Variants in ADCY1 observed in about 807,000 individuals in gnomAD.
The protein encoded by ADCY1 is adenylate cyclase type 1.
Under a neutral mutation model 105.4 loss-of-function variants are expected in ADCY1, and 28 were observed. That is an observed-to-expected ratio of 0.27 (90% CI 0.20 to 0.36). The LOEUF (loss-of-function observed/expected upper bound fraction) is 0.36, where lower values mean the gene tolerates loss of function less well. ADCY1 is among the 10% of genes least tolerant of loss of function. ADCY1 has a pLI of 1.00. For missense variants in ADCY1, 977 were observed against 1,434.2 expected (o/e 0.68, Z 5.15); for synonymous variants, 655 against 623.8 (o/e 1.05, Z -0.75).
At chr7:45,601,774 G>A (rs553045704) in intron 2 of ADCY1, among the ~76,000 whole-genome samples, 31 of 152,250 alleles carry the variant, frequency 2.0e-4, no homozygotes, top group African/African-American at 7.2e-4. Context: ...CGGGATGAGA[G>A]GTAGGGGTGA....
At chr7:45,592,627 G>A (rs903120093) in intron 1 of ADCY1, 132 bp from the exon 2 acceptor site, 2 of 1,243,496 alleles carry the variant, frequency 1.6e-6, no homozygotes, top group East Asian at 4.7e-5. Context: ...TGTGTCCCTG[G>A]CCCTGCGCTG....
rs1189707139 is a variant in ADCY1 at position 45,711,644 on chromosome 7, T to TATATACAC, written c.3057+993_3057+994insTATACACA. 9.1e-3 allele frequency among the ~76,000 whole-genome samples: 465 copies of TATATACAC among 51,130 alleles called. 4 individuals carry two copies. The highest frequency in any genetic ancestry group is 0.012 in the Non-Finnish European group (295 of 24,490). The allele number at this position is 51,130 out of a possible 152,430, so 33.5% of individuals were successfully genotyped here. A position where few individuals can be genotyped will look rare whatever the true frequency, so the allele number is the denominator to read the frequency against. ...ATATATATATATATATATATATATA[T>TATATACAC]ACACACACACACGTATGTATACACA... On this transcript the variant is annotated intron_variant, in intron 19 of 19. Coordinates refer to ENST00000297323, the MANE Select transcript of ADCY1 (RefSeq NM_021116.4).
At chr7:45,694,115 T>TAAAAAA (rs140981457) in intron 14 of ADCY1, among the ~76,000 whole-genome samples, 28 of 115,298 alleles carry the variant, frequency 2.4e-4, no homozygotes, top group Non-Finnish European at 3.0e-4. Flanking sequence ...TAGAGTATAA[T>TAAAAAA]AAAAAAAAAA....
At chr7:45,606,259 G>A (rs1784355447) in intron 2 of ADCY1, among the ~76,000 whole-genome samples, 1 of 152,068 alleles carries the variant, frequency 6.6e-6, no homozygotes, top group Non-Finnish European at 1.5e-5. Flanking sequence ...GGTTGATTGG[G>A]GGCCCCTTCA....
At chr7:45,595,345 GCTGCT>G (rs1187432814) in intron 2 of ADCY1, among the ~76,000 whole-genome samples, 30 of 152,174 alleles carry the variant, frequency 2.0e-4, no homozygotes, top group Admixed American at 1.6e-3. Flanking sequence ...GTTCTGATGA[GCTGCT>G]CTGCAGTCCC....
At chr7:45,621,578 G>A (rs1422086608) in intron 3 of ADCY1, among the ~76,000 whole-genome samples, 2 of 152,194 alleles carry the variant, frequency 1.3e-5, no homozygotes, top group Admixed American at 6.5e-5. Flanking sequence ...GCGGACATGC[G>A]GAACGGTTGG....
Position 45,669,031 on chromosome 7 carries a change from A to G in ADCY1, c.1605+6817A>G, listed in dbSNP as rs1383423417. ...TTGATTCTTCTCTCTTTTCTTCTTTATTAGTCTTGCTAGCGGTCTATCAAT... is the reference window on the plus strand; with the variant it reads ...TTGATTCTTCTCTCTTTTCTTCTTTGTTAGTCTTGCTAGCGGTCTATCAAT... On this transcript the variant is annotated intron_variant, in intron 8 of 19. Transcript: ENST00000297323. 5.9e-5 allele frequency among the ~76,000 whole-genome samples: 9 copies of G among 151,444 alleles called. No individual in the cohort carries two copies. The South Asian group carries it at 1.0e-3, about 18-fold the overall frequency.
At chr7:45,666,276 C>T (rs976407897) in intron 8 of ADCY1, among the ~76,000 whole-genome samples, 1 of 152,116 alleles carries the variant, frequency 6.6e-6, no homozygotes, top group Non-Finnish European at 1.5e-5. Context: ...CTAATGCTAT[C>T]CCTCCCCACT....
Position 45,678,285 on chromosome 7 carries a change from G to A in ADCY1, c.1898+22G>A, listed in dbSNP as rs746970754. On this transcript the variant is annotated intron_variant, in intron 10 of 19. Coordinates refer to ENST00000297323, the MANE Select transcript of ADCY1 (RefSeq NM_021116.4). ...CACAGTGAGTATTTCTATCAACGAG[G>A]TGAGGAACTCACCAAGAAGTCCCGG... 3.1e-6 allele frequency: 5 copies of A among 1,605,308 alleles called. No homozygotes were observed. In the South Asian group the frequency reaches 3.3e-5, roughly 11 times the overall value.
chr7:45,620,436 G>A (rs1793861117), intron 3 of ADCY1, among the ~76,000 whole-genome samples: 1 of 152,144 alleles, frequency 6.6e-6, no homozygotes, highest in African/African-American at 2.4e-5. Flanking sequence ...AGGGACTTAA[G>A]GGACACCATC....
intron 14 of ADCY1, among the ~76,000 whole-genome samples, chr7:45,698,837 CATG>C (rs1309183230): frequency 2.6e-5 from 4 of 152,234 alleles, no homozygotes; most frequent in African/African-American, 9.6e-5. Flanking sequence ...CATTTTCATG[CATG>C]ACCATGGTCC....
Position 45,592,749 on chromosome 7 carries a change from C to G in ADCY1, c.640-10C>G, listed in dbSNP as rs910085925. The G allele has an allele frequency of 1.9e-6, 3 of 1,614,074 alleles. No individual in the cohort carries two copies. Among genetic ancestry groups the G allele is most frequent in the Admixed American group, 1.7e-5 (1 of 60,028 alleles). ...CAGGCTCCACATGTTGCCTCCTTCT[C>G]TCCCTGCAGCTCGGTGCCAATGCCT... On this transcript the variant is annotated splice_polypyrimidine_tract_variant and intron_variant, in intron 1 of 19. Coordinates refer to ENST00000297323, the MANE Select transcript of ADCY1 (RefSeq NM_021116.4).
chr7:45,590,970 C>T (rs1231418654), intron 1 of ADCY1, among the ~76,000 whole-genome samples: 1 of 152,090 alleles, frequency 6.6e-6, no homozygotes, highest in Non-Finnish European at 1.5e-5. Flanking sequence ...TCAGGTCCCC[C>T]ATGGAGGTGT....
At position 45,695,664 on chromosome 7, in the gene ADCY1, A is replaced by G. The variant is rs79337512; in HGVS notation, c.2455-7712A>G. 3.3e-4 allele frequency among the ~76,000 whole-genome samples: 51 copies of G among 152,374 alleles called. No homozygotes were observed. The East Asian group carries it at 9.3e-3, about 28-fold the overall frequency. ...GATCTGGGTTAGAAGGACGCAGCATAACTTCAACATAGAGCAAAAGCTCCA... is the reference window on the plus strand; with the variant it reads ...GATCTGGGTTAGAAGGACGCAGCATGACTTCAACATAGAGCAAAAGCTCCA... On this transcript the variant is annotated intron_variant, in intron 14 of 19. Transcript: ENST00000297323.
In ADCY1 at chr7:45,574,939, C is replaced by G; in HGVS notation, c.396C>G (p.Thr132=). 4.3e-6 allele frequency: 7 copies of G among 1,612,036 alleles called. No individual in the cohort carries two copies. The highest frequency in any genetic ancestry group is 5.9e-6 in the Non-Finnish European group (7 of 1,179,762). The change falls in exon 1 of 20, where the codon ACC becomes ACG. Residue 132 remains threonine, a synonymous_variant. Coordinates refer to ENST00000297323, the MANE Select transcript of ADCY1 (RefSeq NM_021116.4). This position sits in a 1 kb window ranked among gnomAD's most constrained non-coding sequence, Gnocchi z 7.0. ...VGQLALLFSL[T]FALLCCPFAL... ...AGCTGGCGCTGCTCTTCAGCCTCACCTTCGCGCTGCTCTGCTGTCCTTTCG... is the reference window on the plus strand; with the variant it reads ...AGCTGGCGCTGCTCTTCAGCCTCACGTTCGCGCTGCTCTGCTGTCCTTTCG...
intron 4 of ADCY1, among the ~76,000 whole-genome samples, chr7:45,642,562 A>G (rs1437029791): frequency 6.6e-6 from 1 of 151,956 alleles, no homozygotes; most frequent in Non-Finnish European, 1.5e-5. Flanking sequence ...GAACTGGTAG[A>G]TCTTCAGGAG....
At chr7:45,675,032 A>T (rs946642166) in intron 8 of ADCY1, among the ~76,000 whole-genome samples, 1 of 152,172 alleles carries the variant, frequency 6.6e-6, no homozygotes, top group East Asian at 1.9e-4. Flanking sequence ...GAATATCTAC[A>T]CTTAATGCAA....
At chr7:45,667,996 T>C (rs1784293988) in intron 8 of ADCY1, among the ~76,000 whole-genome samples, 1 of 152,264 alleles carries the variant, frequency 6.6e-6, no homozygotes, top group Admixed American at 6.5e-5. Flanking sequence ...GAGACTTTGC[T>C]GAAGTTGCTT....
intron 1 of ADCY1, among the ~76,000 whole-genome samples, chr7:45,576,812 A>AG (rs1210712106): frequency 6.6e-6 from 1 of 152,080 alleles, no homozygotes; most frequent in African/African-American, 2.4e-5. Flanking sequence ...GGGAATAGGG[A>AG]GGGGCTGAGC....
Sources: gnomAD v4.1 joint callset for allele counts (sites outside exome capture counted in the v4.1 genomes callset) on GRCh38, gnomAD v4.1.1 for gene constraint, Gnocchi (gnomAD v3.1) non-coding constraint, MANE v1.5 for transcripts, NCBI Gene and HGNC (gene_info 2026-07-23, HGNC 2026-07-21) for gene names.